Variants in ESR1 observed in about 807,000 individuals in gnomAD.
ESR1 encodes estrogen receptor.
Under a neutral mutation model 52.7 loss-of-function variants are expected in ESR1, and 12 were observed. The observed-to-expected ratio is 0.23, with a 90% CI of 0.15 to 0.37. The LOEUF is 0.37. Among genes scored for constraint, ESR1 ranks in the 10% least tolerant of loss-of-function variants. The pLI, the probability that ESR1 is intolerant of heterozygous loss-of-function variation, is 1.00. For synonymous variants in ESR1, 305 were observed against 316.8 expected, an observed-to-expected ratio of 0.96 and a Z score of 0.39; for missense variants, 584 against 779.7, an observed-to-expected ratio of 0.75 and a Z score of 2.99.
intron 5 of ESR1, among the ~76,000 whole-genome samples, chr6:152,055,173 T>G (rs1320813756): frequency 6.6e-6 from 1 of 152,200 alleles, no homozygotes; most frequent in African/African-American, 2.4e-5. Flanking sequence ...CTTCAACATA[T>G]TGATTTCATC....
intron 3 of ESR1, among the ~76,000 whole-genome samples, chr6:151,905,051 A>G (rs563497158): frequency 6.6e-6 from 1 of 152,360 alleles, no homozygotes; most frequent in South Asian, 2.1e-4. Flanking sequence ...AAGCAAAACA[A>G]CAAACAGCAG....
At chr6:151,679,023 C>T (rs1339608992) in intron 1 of ESR1, among the ~76,000 whole-genome samples, 1 of 152,192 alleles carries the variant, frequency 6.6e-6, no homozygotes, top group East Asian at 1.9e-4. Flanking sequence ...GCCTCCTCTT[C>T]TGGCCTGGTC....
chr6:152,119,816 T>A (rs1245780313), intron 6 of ESR1, among the ~76,000 whole-genome samples: 1 of 152,168 alleles, frequency 6.6e-6, no homozygotes, highest in East Asian at 1.9e-4. Context: ...CCCATACCCA[T>A]CTCCCCATCA....
rs749802941 is a variant in ESR1, at chr6:152,061,141, A to C, written c.1369+17A>C. The C allele has an allele frequency of 6.2e-7, 1 of 1,611,910 alleles. No individual in the cohort carries two copies. ...TTAATTCTGGTGAGTTGATAACACA[A>C]GATAACTCAATGCTGGATGAAATGT... On this transcript the variant is annotated intron_variant, in intron 6 of 7. Transcript: ENST00000206249. The surrounding 1 kb of genome is among the most constrained non-coding windows in gnomAD (Gnocchi z 4.3).
At chr6:152,049,112 T>G (rs1167815264) in intron 5 of ESR1, among the ~76,000 whole-genome samples, 1 of 150,688 alleles carries the variant, frequency 6.6e-6, no homozygotes, top group Non-Finnish European at 1.5e-5. Context: ...TTACTTTAGC[T>G]CTTAAACTAT....
At chr6:151,842,937 A>C (rs1343378146) in intron 2 of ESR1, 150 bp downstream of exon 2, 3 of 687,562 alleles carry the variant, frequency 4.4e-6, no homozygotes, top group Non-Finnish European at 7.6e-6. Context: ...AGAAACATGG[A>C]GAAGAGACAG....
intron 4 of ESR1, among the ~76,000 whole-genome samples, chr6:151,985,528 A>AAC (rs1562632990): frequency 7.1e-6 from 1 of 141,192 alleles, no homozygotes; most frequent in African/African-American, 2.8e-5. Flanking sequence ...AAAAAAAAAA[A>AAC]AAAAACACAA....
At chr6:151,898,686 C>G (rs796756336) in intron 3 of ESR1, among the ~76,000 whole-genome samples, 3 of 152,050 alleles carry the variant, frequency 2.0e-5, no homozygotes, top group African/African-American at 7.2e-5. Context: ...AGTGGATACA[C>G]CACATGTTTC....
intron 2 of ESR1, among the ~76,000 whole-genome samples, chr6:151,773,146 T>C (rs1162061622): frequency 6.6e-6 from 1 of 152,098 alleles, no homozygotes; most frequent in East Asian, 1.9e-4. Context: ...GGTGTCCTTA[T>C]TAAAAGGGAA....
intron 5 of ESR1, among the ~76,000 whole-genome samples, chr6:152,012,203 T>C (rs537216784): frequency 2.0e-5 from 3 of 152,218 alleles, no homozygotes; most frequent in Admixed American, 6.5e-5. Context: ...TTCATTTTCT[T>C]CTCCAATTTT....
chr6:152,034,035 A>C (rs9479170), intron 5 of ESR1, among the ~76,000 whole-genome samples: 2 of 151,670 alleles, frequency 1.3e-5, no homozygotes, highest in Non-Finnish European at 2.9e-5. Context: ...GCGAACTATC[A>C]CAAGGACAAA....
At chr6:151,783,087 C>A (rs1328612664) in intron 2 of ESR1, among the ~76,000 whole-genome samples, 1 of 152,194 alleles carries the variant, frequency 6.6e-6, no homozygotes, top group East Asian at 1.9e-4. Flanking sequence ...TTCCAGCAAC[C>A]ACTTGTCATC....
At chr6:151,744,361 T>C (rs1295298145) in intron 2 of ESR1, among the ~76,000 whole-genome samples, 1 of 152,222 alleles carries the variant, frequency 6.6e-6, no homozygotes, top group African/African-American at 2.4e-5. Flanking sequence ...GAGGGTTCAA[T>C]TTCTCCACAT....
At chr6:151,678,446 C>T (rs533672283) in intron 1 of ESR1, among the ~76,000 whole-genome samples, 2 of 151,360 alleles carry the variant, frequency 1.3e-5, no homozygotes, top group African/African-American at 2.4e-5. Context: ...GCACTCCAGC[C>T]TGGGCAACAA....
intron 5 of ESR1, among the ~76,000 whole-genome samples, chr6:152,026,345 A>G (rs2044146360): frequency 6.6e-6 from 1 of 151,952 alleles, no homozygotes; most frequent in South Asian, 2.1e-4. Context: ...GATTTATTTA[A>G]TATTTTGGAA....
At chr6:151,973,335 T>G (rs535437275) in intron 4 of ESR1, among the ~76,000 whole-genome samples, 2 of 100,922 alleles carry the variant, frequency 2.0e-5, no homozygotes, top group Non-Finnish European at 5.0e-5. Flanking sequence ...ATATTCTGTC[T>G]GCATTCAAGA....
chr6:151,842,583 T>C lies in ESR1; in HGVS notation c.453-14T>C, dbSNP rs1405113426. On this transcript the variant is annotated splice_polypyrimidine_tract_variant and intron_variant, in intron 1 of 7. Transcript: ENST00000206249. ...TTTCTAATGTTAATGGATTTACTGT[T>C]TTTTTCCCCCCAGGCCAAATTCAGA... 4 of 1,610,982 alleles carry C rather than the reference T, an allele frequency of 2.5e-6. No homozygotes were observed. The highest frequency in any genetic ancestry group is 2.5e-6 in the Non-Finnish European group (3 of 1,178,738).
At position 151,839,200 on chromosome 6, in the gene ESR1, A is replaced by G. The variant is rs534575428; in HGVS notation, c.453-3397A>G. On this transcript the variant is annotated intron_variant, in intron 1 of 7. Coordinates refer to ENST00000206249, the MANE Select transcript of ESR1 (RefSeq NM_000125.4). ...CAGAAGAGAAATAAAAAAATCTTCT[A>G]GAGAGTTCAGAACAGGGATGTTGAT... Among the ~76,000 whole-genome samples, 107 of 152,304 alleles carry G rather than the reference A, an allele frequency of 7.0e-4. 1 individual carries two copies. Among genetic ancestry groups the G allele is most frequent in the Admixed American group, 1.7e-3 (26 of 15,290 alleles).
At chr6:151,809,525 T>C (rs527253769) in intron 1 of ESR1, among the ~76,000 whole-genome samples, 1 of 152,324 alleles carries the variant, frequency 6.6e-6, no homozygotes, top group Admixed American at 6.5e-5. Context: ...ATTTCCCAAC[T>C]GTACACTGGT....
Sources: allele counts gnomAD v4.1 joint callset (sites outside exome capture counted in the v4.1 genomes callset), GRCh38; gene constraint gnomAD v4.1.1; non-coding constraint Gnocchi (gnomAD v3.1); transcripts MANE v1.5; gene names NCBI Gene and HGNC (gene_info 2026-07-23, HGNC 2026-07-21).